SLC25A40: variants seen among roughly 807,000 people sequenced by gnomAD.
SLC25A40 encodes the protein solute carrier family 25 member 40.
A neutral mutation model predicts 46.5 loss-of-function variants in SLC25A40; 41 were observed. That is an observed-to-expected ratio of 0.88 (90% CI 0.69 to 1.14). SLC25A40 has a LOEUF of 1.14. Among genes scored for constraint, SLC25A40 ranks in the 50% most tolerant of loss-of-function variants. The pLI is 0.00. For synonymous variants in SLC25A40, 126 were observed against 127.5 expected (o/e 0.99, Z 0.08); for missense variants, 386 against 393.6 (o/e 0.98, Z 0.16).
At chr7:87,838,527 G>C (rs1408482775) in intron 10 of SLC25A40, among the ~76,000 whole-genome samples, 1 of 151,380 alleles carries the variant, frequency 6.6e-6, no homozygotes, top group African/African-American at 2.4e-5. Flanking sequence ...TTCAAGCACA[G>C]AGAAAATAAA....
chr7:87,874,176 G>T (rs1487339453), intron 1 of SLC25A40, among the ~76,000 whole-genome samples: 1 of 152,172 alleles, frequency 6.6e-6, no homozygotes, highest in Non-Finnish European at 1.5e-5. Context: ...CGGACTTCCT[G>T]CTTATTTATT....
chr7:87,840,778 T>G (rs1029943597), intron 10 of SLC25A40, among the ~76,000 whole-genome samples: 2 of 151,804 alleles, frequency 1.3e-5, no homozygotes, highest in Admixed American at 6.6e-5. Context: ...GAATAGGTAT[T>G]TGATAGGTCA....
Position 87,834,429 on chromosome 7 carries a change from A to C in SLC25A40, c.*1820T>G, listed in dbSNP as rs1231299270. On this transcript the variant is annotated 3_prime_UTR_variant, in exon 12 of 12. Coordinates refer to ENST00000341119, the MANE Select transcript of SLC25A40 (RefSeq NM_018843.4). ...TCTTTTTACCTCTTAAATATAAAGA[A>C]AGCTTCAATTCAGCCTTCTATTCAT... is the stretch of plus-strand genomic sequence containing the variant. 6.6e-6 allele frequency: 1 copy of C among 151,702 alleles called. No individual in the cohort carries two copies. Among genetic ancestry groups the C allele is most frequent in the African/African-American group, 2.4e-5 (1 of 41,386 alleles). The allele number at this position is 151,702 out of a possible 1,614,324, so 9.4% of individuals were successfully genotyped here. A position where few individuals can be genotyped will look rare whatever the true frequency, so the allele number is the denominator to read the frequency against.
chr7:87,873,428 A>AAT (rs1838924488), intron 1 of SLC25A40, among the ~76,000 whole-genome samples: 2 of 142,318 alleles, frequency 1.4e-5, no homozygotes, highest in African/African-American at 5.6e-5. Context: ...AGAAAGGTTA[A>AAT]CTTTTTTTTT....
chr7:87,851,791 T>C (rs1008543132), intron 5 of SLC25A40, among the ~76,000 whole-genome samples: 7 of 152,020 alleles, frequency 4.6e-5, no homozygotes, highest in Non-Finnish European at 8.8e-5. Context: ...TTCTTCCCCA[T>C]GGAAGCAATG....
In SLC25A40 at chr7:87,836,795, T is replaced by C. The variant is rs1348218235; in HGVS notation, c.839A>G (p.His280Arg). Residue 280 changes from histidine (H) to arginine (R), a missense_variant, in exon 11 of 12, where the codon CAT (histidine) becomes CGT (arginine). Transcript: ENST00000341119. ...YESHKISMPLHMSTWIIMKNI... is the reference protein window; with the variant it reads ...YESHKISMPLRMSTWIIMKNI... ...CTTCATTATAATCCAGGTTGACATA[T>C]GCAAAGGCATAGAAACTAAATGTTA... The C allele has an allele frequency of 2.6e-6, 4 of 1,514,840 alleles. No individual in the cohort carries two copies. The highest frequency in any genetic ancestry group is 2.6e-5 in the South Asian group (2 of 76,990). 93.8% of individuals were successfully genotyped at this position (1,514,840 alleles called of 1,614,324 possible).
rs777202468 is a variant in SLC25A40, at chr7:87,836,318, A to G, written c.948T>C (p.Ile316=). 6 of 1,568,364 alleles carry G rather than the reference A, an allele frequency of 3.8e-6. No homozygotes were observed. Among genetic ancestry groups the G allele is most frequent in the East Asian group, 4.8e-5 (2 of 41,856 alleles). ...TTCCAAATTCATATGTACTGATCAT[A>G]ATGGCACAAGCAGGAGCAATTTTAA... ...RLIKIAPACA[I]MISTYEFGKA... is the part of the protein sequence containing the mutation. Residue 316 remains isoleucine, a synonymous_variant, in exon 12 of 12, where the codon ATT becomes ATC. Coordinates refer to ENST00000341119, the MANE Select transcript of SLC25A40 (RefSeq NM_018843.4).
At chr7:87,868,437 A>G (rs189676999) in intron 1 of SLC25A40, among the ~76,000 whole-genome samples, 2 of 152,168 alleles carry the variant, frequency 1.3e-5, no homozygotes, top group Admixed American at 6.5e-5. Context: ...CTACCTGGAA[A>G]TAAGAATCTG....
At chr7:87,846,823 GA>G in intron 8 of SLC25A40, 125 bp downstream of exon 8, 1 of 614,666 alleles carries the variant, frequency 1.6e-6, no homozygotes, top group Non-Finnish European at 2.5e-6. Flanking sequence ...AATGAAAAAG[GA>G]GTTTGTGGTC....
chr7:87,872,839 G>A (rs1838914992), intron 1 of SLC25A40, among the ~76,000 whole-genome samples: 1 of 152,158 alleles, frequency 6.6e-6, no homozygotes, highest in African/African-American at 2.4e-5. Flanking sequence ...GCAGGCGCCT[G>A]TAATTTAAAG....
chr7:87,846,337 A>G (rs1052535237), intron 8 of SLC25A40, among the ~76,000 whole-genome samples: 4 of 152,198 alleles, frequency 2.6e-5, no homozygotes, highest in African/African-American at 7.2e-5. Flanking sequence ...TTCTCTCTAG[A>G]TAAGTATTTC....
At chr7:87,848,085 G>A in intron 6 of SLC25A40, 108 bp from the exon 7 acceptor site, 1 of 1,284,156 alleles carries the variant, frequency 7.8e-7, no homozygotes, top group Non-Finnish European at 1.0e-6. Context: ...TATATTTTGT[G>A]TAAGCTAAAA....
At chr7:87,856,525 T>C in intron 3 of SLC25A40, 174 bp from the exon 4 acceptor site, 1 of 671,752 alleles carries the variant, frequency 1.5e-6, no homozygotes, top group Non-Finnish European at 2.7e-6. Flanking sequence ...TGCCCTTAAA[T>C]TTTGTTAATC....
intron 1 of SLC25A40, among the ~76,000 whole-genome samples, chr7:87,868,788 G>A (rs1347402436): frequency 3.3e-5 from 5 of 152,118 alleles, no homozygotes; most frequent in Non-Finnish European, 7.4e-5. Context: ...AGGTTTTTAT[G>A]AAGGCTTCAT....
At chr7:87,851,145 T>C (rs537680688) in intron 5 of SLC25A40, among the ~76,000 whole-genome samples, 3 of 152,268 alleles carry the variant, frequency 2.0e-5, no homozygotes, top group Non-Finnish European at 2.9e-5. Context: ...TGAATGTCCA[T>C]AGAATTAATT....
intron 1 of SLC25A40, among the ~76,000 whole-genome samples, chr7:87,875,601 C>A (rs557751467): frequency 6.7e-6 from 1 of 148,314 alleles, no homozygotes; most frequent in East Asian, 2.0e-4. Context: ...AAAATATATT[C>A]ACAAGCATTT....
intron 5 of SLC25A40, among the ~76,000 whole-genome samples, chr7:87,850,359 GTCT>G (rs1361254242): frequency 1.3e-5 from 2 of 152,182 alleles, no homozygotes; most frequent in African/African-American, 2.4e-5. Context: ...CTGAAGAGAA[GTCT>G]TCTATTAACA....
At chr7:87,871,376 A>G (rs947933341) in intron 1 of SLC25A40, among the ~76,000 whole-genome samples, 2 of 152,214 alleles carry the variant, frequency 1.3e-5, no homozygotes, top group Non-Finnish European at 2.9e-5. Context: ...AGTGAGCTTT[A>G]AATTAGATCC....
chr7:87,845,346 C>A (rs1838398292), intron 8 of SLC25A40, among the ~76,000 whole-genome samples: 1 of 152,110 alleles, frequency 6.6e-6, no homozygotes, highest in African/African-American at 2.4e-5. Context: ...GGCTACACAG[C>A]AGGAGGTGAG....
Sources: gnomAD v4.1 joint callset for allele counts (sites outside exome capture counted in the v4.1 genomes callset) on GRCh38, gnomAD v4.1.1 for gene constraint, MANE v1.5 for transcripts, NCBI Gene and HGNC (gene_info 2026-07-23, HGNC 2026-07-21) for gene names.